Variants in ATF7IP2 observed in about 807,000 individuals in gnomAD.
ATF7IP2 encodes the protein activating transcription factor 7-interacting protein 2.
In ATF7IP2, 42 loss-of-function variants were observed where a neutral mutation model predicts 64.2. That is an observed-to-expected ratio of 0.65 (90% CI 0.51 to 0.85). The LOEUF is 0.85. Ranked by LOEUF, ATF7IP2 falls within the 40% of genes least tolerant of loss-of-function variation. ATF7IP2 has a pLI of 0.00. For synonymous variants in ATF7IP2, 308 were observed against 272.8 expected (o/e 1.13, Z -1.27); for missense variants, 933 against 784.2 (o/e 1.19, Z -2.27).
intron 9 of ATF7IP2, among the ~76,000 whole-genome samples, chr16:10,466,486 A>G (rs1023950415): frequency 5.3e-5 from 8 of 152,112 alleles, no homozygotes; most frequent in Non-Finnish European, 7.3e-5. Flanking sequence ...TTATACTCCC[A>G]CTATAAGTAC....
intron 3 of ATF7IP2, among the ~76,000 whole-genome samples, chr16:10,428,442 TA>T (rs2048137485): frequency 6.6e-6 from 1 of 152,236 alleles, no homozygotes; most frequent in Non-Finnish European, 1.5e-5. Context: ...AATAGTAAGA[TA>T]TTTTAAGTAT....
rs777143845 is a variant in ATF7IP2 at position 10,473,944 on chromosome 16, T to C, written c.1504T>C (p.Ser502Pro). Residue 502 changes from serine to proline, a missense_variant, in exon 12 of 14, where the codon TCT becomes CCT. By Grantham distance (74) the Ser-to-Pro change is moderately conservative. Transcript: ENST00000562102. ...EVMAVQKKLD[S>P]IIDLTKEGLS... ...TTAGGCTGTACAGAAGAAACTTGATTCTATAATTGATTTGACAAAAGAAGG... is the reference window on the plus strand; with the variant it reads ...TTAGGCTGTACAGAAGAAACTTGATCCTATAATTGATTTGACAAAAGAAGG... The C allele has an allele frequency of 6.4e-7, 1 of 1,553,778 alleles. No individual in the cohort carries two copies. The highest frequency in any genetic ancestry group is 8.8e-7 in the Non-Finnish European group (1 of 1,137,350).
intron 1 of ATF7IP2, among the ~76,000 whole-genome samples, chr16:10,388,221 T>G (rs2047243474): frequency 6.6e-6 from 1 of 152,192 alleles, no homozygotes; most frequent in South Asian, 2.1e-4. Flanking sequence ...TTTAGATAAT[T>G]ATTCTGCTTT....
At chr16:10,471,925 T>C in intron 9 of ATF7IP2, 185 bp from the exon 10 acceptor site, 1 of 421,014 alleles carries the variant, frequency 2.4e-6, no homozygotes, top group Non-Finnish European at 4.2e-6. Flanking sequence ...TTTAGTCATA[T>C]AACGGAACTG....
intron 12 of ATF7IP2, among the ~76,000 whole-genome samples, chr16:10,479,581 G>C (rs966495558): frequency 6.6e-6 from 1 of 151,584 alleles, no homozygotes; most frequent in Non-Finnish European, 1.5e-5. Flanking sequence ...CAGCACACCA[G>C]CATGGCACAT....
intron 1 of ATF7IP2, among the ~76,000 whole-genome samples, chr16:10,398,619 C>T (rs1369018600): frequency 6.6e-6 from 1 of 152,092 alleles, no homozygotes; most frequent in African/African-American, 2.4e-5. Context: ...ACCATTTTGC[C>T]TGTCATTTGC....
At position 10,482,059 on chromosome 16, in the gene ATF7IP2, C is replaced by CT. The variant is rs1263998796; in HGVS notation, c.1860dup (p.Asn621Ter). The CT allele has an allele frequency of 6.2e-7, 1 of 1,614,004 alleles. No homozygotes were observed. The highest frequency in any genetic ancestry group is 8.5e-7 in the Non-Finnish European group (1 of 1,179,906). On this transcript the variant is annotated frameshift_variant, in exon 14 of 14. Transcript: ENST00000562102. LOFTEE classifies it high-confidence loss of function. ...CACCTCTTCCTGTGTCATGAGAACTCTAATAATAAGTTGATTTGGAAGAAG... is the reference window on the plus strand; with the variant it reads ...CACCTCTTCCTGTGTCATGAGAACTCTTAATAATAAGTTGATTTGGAAGAAG...
At chr16:10,427,420 T>C (rs2048106832) in intron 3 of ATF7IP2, among the ~76,000 whole-genome samples, 1 of 152,198 alleles carries the variant, frequency 6.6e-6, no homozygotes, top group African/African-American at 2.4e-5. Flanking sequence ...GTATTGACTG[T>C]ATGGATGCAA....
chr16:10,404,390 T>A (rs2047593254), intron 1 of ATF7IP2, among the ~76,000 whole-genome samples: 1 of 152,220 alleles, frequency 6.6e-6, no homozygotes, highest in African/African-American at 2.4e-5. Context: ...GTAGCTGGGA[T>A]TACAGGTGTG....
chr16:10,441,642 T>C (rs1328012561), intron 8 of ATF7IP2, among the ~76,000 whole-genome samples: 1 of 152,238 alleles, frequency 6.6e-6, no homozygotes, highest in Non-Finnish European at 1.5e-5. Context: ...TTCTGGACAT[T>C]AGCCCTTTGT....
intron 1 of ATF7IP2, among the ~76,000 whole-genome samples, chr16:10,399,090 G>A (rs2141763690): frequency 6.7e-6 from 1 of 149,878 alleles, no homozygotes; most frequent in East Asian, 2.0e-4. Flanking sequence ...TCCAGCCTGG[G>A]CAACAAGAAG....
chr16:10,408,445 A>C (rs1202874083), intron 1 of ATF7IP2, among the ~76,000 whole-genome samples: 1 of 152,176 alleles, frequency 6.6e-6, no homozygotes, highest in African/African-American at 2.4e-5. Context: ...GTGCTAGTTT[A>C]CATTCCCACC....
chr16:10,433,732 CATA>C (rs1205475038), intron 6 of ATF7IP2, 83 bp downstream of exon 6: 2 of 1,469,838 alleles, frequency 1.4e-6, no homozygotes, highest in African/African-American at 2.8e-5. Flanking sequence ...CCCACAGTGG[CATA>C]ATACAGACGA....
chr16:10,435,731 C>T lies in ATF7IP2; in HGVS notation c.960+2082C>T, dbSNP rs142375975. On this transcript the variant is annotated intron_variant, in intron 6 of 13. Transcript: ENST00000562102. ...TGAAGACTGTTGTTGTAGGCTACTGCTTTCTCAAACGTACCTGATAAAAAT... is the reference window on the plus strand; with the variant it reads ...TGAAGACTGTTGTTGTAGGCTACTGTTTTCTCAAACGTACCTGATAAAAAT... Among the ~76,000 whole-genome samples the T allele has an allele frequency of 9.4e-4, 143 of 152,298 alleles. 1 individual carries two copies. The Middle Eastern group carries it at 0.027, about 29-fold the overall frequency.
intron 1 of ATF7IP2, among the ~76,000 whole-genome samples, chr16:10,388,052 G>A (rs1038051686): frequency 6.6e-6 from 1 of 151,916 alleles, no homozygotes; most frequent in Non-Finnish European, 1.5e-5. Flanking sequence ...ATAGGCGCCC[G>A]ACTAGTTTTT....
chr16:10,454,570 CTTTAT>C (rs1427925660), intron 8 of ATF7IP2, among the ~76,000 whole-genome samples: 3 of 149,898 alleles, frequency 2.0e-5, no homozygotes, highest in African/African-American at 7.5e-5. Flanking sequence ...CATTTGTTTT[CTTTAT>C]TTTGATTCCT....
intron 1 of ATF7IP2, among the ~76,000 whole-genome samples, chr16:10,397,142 G>A (rs1396491195): frequency 6.6e-6 from 1 of 152,142 alleles, no homozygotes; most frequent in African/African-American, 2.4e-5. Context: ...ATATAAATCT[G>A]TGGATTTTAT....
At chr16:10,458,559 A>G (rs368516511) in intron 9 of ATF7IP2, among the ~76,000 whole-genome samples, 2 of 152,208 alleles carry the variant, frequency 1.3e-5, no homozygotes, top group East Asian at 3.8e-4. Context: ...CCCATGGTGA[A>G]TGTGCGGATA....
chr16:10,404,786 G>T (rs73512993), intron 1 of ATF7IP2, among the ~76,000 whole-genome samples: 9 of 151,444 alleles, frequency 5.9e-5, no homozygotes, highest in African/African-American at 2.2e-4. Flanking sequence ...CAAGTAAACC[G>T]CCCACTTTGG....
Sources: gnomAD v4.1 joint callset for allele counts (sites outside exome capture counted in the v4.1 genomes callset) on GRCh38, gnomAD v4.1.1 for gene constraint, MANE v1.5 for transcripts, NCBI Gene and HGNC (gene_info 2026-07-23, HGNC 2026-07-21) for gene names.